The following COL21A1 variants were observed in gnomAD, a reference collection of about 807,000 sequenced individuals.
The protein encoded by COL21A1 is collagen alpha-1(XXI) chain.
In COL21A1, 149 loss-of-function variants were observed where a neutral mutation model predicts 137.9. That is an observed-to-expected ratio of 1.08 (90% CI 0.95 to 1.24). The LOEUF is 1.24. COL21A1 is among the 50% of genes most tolerant of loss of function. COL21A1 has a pLI of 0.00. For missense variants in COL21A1, 1,167 were observed against 1,158.4 expected (o/e 1.01, Z -0.11); for synonymous variants, 456 against 391.5 (o/e 1.16, Z -1.95).
intron 14 of COL21A1, 26 bp downstream of exon 14, chr6:56,125,541 T>C: frequency 2.0e-6 from 3 of 1,535,478 alleles, no homozygotes; most frequent in Non-Finnish European, 2.7e-6. Context: ...TCAATATGAA[T>C]ACTTTGTTGT....
intron 10 of COL21A1, among the ~76,000 whole-genome samples, chr6:56,151,379 A>T (rs1561921269): frequency 6.6e-6 from 1 of 152,190 alleles, no homozygotes; most frequent in African/African-American, 2.4e-5. Context: ...AATCTCTGTA[A>T]TGCCTTCAGT....
chr6:56,127,902 G>A (rs1773178251), intron 12 of COL21A1, among the ~76,000 whole-genome samples: 1 of 152,078 alleles, frequency 6.6e-6, no homozygotes, highest in Admixed American at 6.6e-5. Flanking sequence ...CATTATGCTA[G>A]GTACTCTATA....
intron 1 of COL21A1, among the ~76,000 whole-genome samples, chr6:56,196,812 G>A (rs9464355): frequency 0.022 from 3,290 of 151,938 alleles, 123 homozygotes; most frequent in African/African-American, 0.075. Context: ...CACCCAAAGG[G>A]ATCTATAGAT....
chr6:56,374,869 A>G (rs1468175895), intron 1 of COL21A1, among the ~76,000 whole-genome samples: 2 of 151,638 alleles, frequency 1.3e-5, no homozygotes, highest in Non-Finnish European at 2.9e-5. Context: ...CTAATTACTC[A>G]TTTCTGGTCA....
intron 1 of COL21A1, among the ~76,000 whole-genome samples, chr6:56,325,538 A>T (rs1455352593): frequency 1.6e-4 from 1 of 6,076 alleles, no homozygotes; most frequent in African/African-American, 3.1e-4. Flanking sequence ...TTATATATAA[A>T]TATATAATAC....
chr6:56,159,384 G>A (rs1251794213), intron 9 of COL21A1, among the ~76,000 whole-genome samples: 1 of 148,672 alleles, frequency 6.7e-6, no homozygotes, highest in Non-Finnish European at 1.5e-5. Context: ...CCAGGCTGGA[G>A]TGCAATAGCA....
intron 1 of COL21A1, among the ~76,000 whole-genome samples, chr6:56,184,208 A>G (rs917541434): frequency 1.3e-5 from 2 of 152,192 alleles, no homozygotes; most frequent in Non-Finnish European, 2.9e-5. Context: ...GCGAGACACA[A>G]AGTAAATCAT....
chr6:56,136,136 C>G (rs570449665), intron 12 of COL21A1, among the ~76,000 whole-genome samples: 2 of 152,282 alleles, frequency 1.3e-5, no homozygotes, highest in Admixed American at 1.3e-4. Flanking sequence ...TCTCTCTGCA[C>G]CTGCCACCAT....
intron 1 of COL21A1, among the ~76,000 whole-genome samples, chr6:56,310,603 A>G (rs1040149381): frequency 6.6e-6 from 1 of 152,186 alleles, no homozygotes; most frequent in Non-Finnish European, 1.5e-5. Flanking sequence ...TTTCATTTAA[A>G]TGAGGTATTC....
intron 1 of COL21A1, among the ~76,000 whole-genome samples, chr6:56,377,373 C>T (rs2094001279): frequency 6.6e-6 from 1 of 152,070 alleles, no homozygotes. Context: ...CCCCCTTCCT[C>T]CAGCAGTGAT....
intron 1 of COL21A1, among the ~76,000 whole-genome samples, chr6:56,343,953 C>A (rs9475676): frequency 0.39 from 58,926 of 151,664 alleles, 13,241 homozygotes; most frequent in African/African-American, 0.62. Flanking sequence ...CTCACACACA[C>A]AAAAATGTAA....
At chr6:56,294,603 A>C (rs1184592373) in intron 1 of COL21A1, among the ~76,000 whole-genome samples, 1 of 152,060 alleles carries the variant, frequency 6.6e-6, no homozygotes, top group African/African-American at 2.4e-5. Context: ...CCCATAATTT[A>C]CATTAGGGGT....
Position 56,077,511 on chromosome 6 carries a change from A to G in COL21A1, c.1857+18T>C, listed in dbSNP as rs1401466293. 1.3e-6 allele frequency: 2 copies of G among 1,555,208 alleles called. No individual in the cohort carries two copies. Among genetic ancestry groups the G allele is most frequent in the African/African-American group, 1.4e-5 (1 of 72,898 alleles). Reference sequence around the variant, plus strand: ...ATGAGCAGATCCAGGCCCAAAGCTAACTCTCATGAATACTTACCTTTTGGC... The same window carrying G: ...ATGAGCAGATCCAGGCCCAAAGCTAGCTCTCATGAATACTTACCTTTTGGC... On this transcript the variant is annotated intron_variant, in intron 18 of 29. Transcript: ENST00000244728.
intron 1 of COL21A1, among the ~76,000 whole-genome samples, chr6:56,202,750 AAG>A (rs1179106051): frequency 6.6e-6 from 1 of 152,226 alleles, no homozygotes; most frequent in Admixed American, 6.5e-5. Context: ...CCACACATGA[AAG>A]AGAGAACTGC....
intron 1 of COL21A1, among the ~76,000 whole-genome samples, chr6:56,290,498 G>GTTTTT (rs371058894): frequency 0.14 from 17,698 of 130,116 alleles, 2,323 homozygotes; most frequent in East Asian, 0.42. Flanking sequence ...TCACTTAGGA[G>GTTTTT]ATTTTTTTTT....
At chr6:56,356,357 G>A (rs764435925) in intron 1 of COL21A1, among the ~76,000 whole-genome samples, 16 of 152,110 alleles carry the variant, frequency 1.1e-4, no homozygotes, top group Non-Finnish European at 2.1e-4. Flanking sequence ...GGCAGTGATT[G>A]TCCTGTGAAC....
intron 16 of COL21A1, among the ~76,000 whole-genome samples, chr6:56,105,409 A>G (rs1160450040): frequency 1.3e-5 from 2 of 152,162 alleles, no homozygotes; most frequent in Non-Finnish European, 2.9e-5. Context: ...ATTTTTGGCT[A>G]TATTATTTTC....
intron 12 of COL21A1, among the ~76,000 whole-genome samples, chr6:56,132,077 AT>A (rs1773598848): frequency 6.6e-6 from 1 of 151,074 alleles, no homozygotes; most frequent in East Asian, 1.9e-4. Flanking sequence ...AATATAAAAA[AT>A]AAATAGCTTT....
At chr6:56,276,075 G>A (rs1025749704) in intron 1 of COL21A1, among the ~76,000 whole-genome samples, 1 of 152,128 alleles carries the variant, frequency 6.6e-6, no homozygotes, top group Non-Finnish European at 1.5e-5. Flanking sequence ...CCAGCAACAT[G>A]GAGGCAGCTA....
Sources: gnomAD v4.1 joint callset for allele counts (sites outside exome capture counted in the v4.1 genomes callset) on GRCh38, gnomAD v4.1.1 for gene constraint, MANE v1.5 for transcripts, NCBI Gene and HGNC (gene_info 2026-07-23, HGNC 2026-07-21) for gene names.